ITPR1: variants seen among roughly 807,000 people sequenced by gnomAD.
ITPR1 encodes inositol 1,4,5-trisphosphate receptor type 1, also known as inositol 1,4,5-trisphosphate-gated calcium channel ITPR1.
ITPR1 carries 96 observed loss-of-function variants against 318.4 expected under a neutral mutation model. The ratio of observed to expected loss-of-function variants is 0.30; its 90% confidence interval spans 0.26 to 0.36. ITPR1 has a LOEUF of 0.36. Ranked by LOEUF, ITPR1 falls within the 10% of genes least tolerant of loss-of-function variation. ITPR1 has a pLI of 1.00. For missense variants in ITPR1, 2,440 were observed against 3,460.2 expected, an observed-to-expected ratio of 0.71 and a Z score of 7.40; for synonymous variants, 1,312 against 1,289.9, an observed-to-expected ratio of 1.02 and a Z score of -0.37.
At chr3:4,552,879 T>A in intron 4 of ITPR1, among the ~76,000 whole-genome samples, 1 of 152,120 alleles carries the variant, frequency 6.6e-6, no homozygotes, top group Admixed American at 6.5e-5. Context: ...TTCTGAGGAT[T>A]TTAGGGGTTG....
At chr3:4,682,242 C>T (rs184499496) in intron 26 of ITPR1, among the ~76,000 whole-genome samples, 184 of 152,370 alleles carry the variant, frequency 1.2e-3, no homozygotes, top group African/African-American at 4.2e-3. Context: ...ATTTCTGGCA[C>T]TATAGCAGAG....
intron 39 of ITPR1, 117 bp downstream of exon 39, chr3:4,711,985 A>G: frequency 2.0e-6 from 1 of 497,580 alleles, no homozygotes. Flanking sequence ...TTTTTTTAAA[A>G]GAAAGAAAGA....
chr3:4,561,319 A>C (rs1253771469), intron 4 of ITPR1, among the ~76,000 whole-genome samples: 1 of 152,140 alleles, frequency 6.6e-6, no homozygotes, highest in East Asian at 1.9e-4. Context: ...GTCTACCTGT[A>C]CTGTCCTAAA....
chr3:4,520,999 G>A lies in ITPR1; in HGVS notation c.93-25G>A, dbSNP rs77487574. 3,681 of 1,576,814 alleles carry A rather than the reference G, an allele frequency of 2.3e-3. 85 individuals carry two copies. The African/African-American group carries it at 0.044, about 19-fold the overall frequency. ...GAGTTTCATTTTCATACACTTGACA[G>A]AGCATTTATCTGTCTTCTTTACAGC... On this transcript the variant is annotated intron_variant, in intron 3 of 61. Coordinates refer to ENST00000649015, the MANE Select transcript of ITPR1 (RefSeq NM_001378452.1).
intron 4 of ITPR1, among the ~76,000 whole-genome samples, chr3:4,583,980 C>G (rs552718218): frequency 6.6e-6 from 1 of 152,198 alleles, no homozygotes; most frequent in African/African-American, 2.4e-5. Flanking sequence ...ATGGCTTTCT[C>G]GCTTTTCCCA....
At chr3:4,713,213 G>A (rs1217633366) in intron 39 of ITPR1, among the ~76,000 whole-genome samples, 1 of 152,152 alleles carries the variant, frequency 6.6e-6, no homozygotes, top group African/African-American at 2.4e-5. Context: ...TATAAAATAT[G>A]AATCTAGTTA....
intron 60 of ITPR1, chr3:4,831,347 T>C: frequency 3.8e-6 from 1 of 261,560 alleles, no homozygotes; most frequent in South Asian, 4.2e-5. Flanking sequence ...AGTTAGTTTG[T>C]CTGCTCCGAG....
At chr3:4,539,793 C>G (rs535559465) in intron 4 of ITPR1, among the ~76,000 whole-genome samples, 1 of 152,262 alleles carries the variant, frequency 6.6e-6, no homozygotes, top group African/African-American at 2.4e-5. Context: ...TGCTCAGCCC[C>G]ATCGCCATGG....
At chr3:4,703,904 C>G (rs1177778129) in intron 36 of ITPR1, among the ~76,000 whole-genome samples, 1 of 152,136 alleles carries the variant, frequency 6.6e-6, no homozygotes, top group Non-Finnish European at 1.5e-5. Context: ...TGTGTTATAT[C>G]TTAGAAACAG....
At chr3:4,741,816 A>G (rs986099641) in intron 44 of ITPR1, among the ~76,000 whole-genome samples, 4 of 152,126 alleles carry the variant, frequency 2.6e-5, no homozygotes, top group African/African-American at 9.7e-5. Flanking sequence ...TGTGTGAGCA[A>G]GTTACGTAAA....
chr3:4,605,993 T>C (rs2091677161), intron 4 of ITPR1, among the ~76,000 whole-genome samples: 1 of 152,158 alleles, frequency 6.6e-6, no homozygotes, highest in Non-Finnish European at 1.5e-5. Context: ...TCTAAATTAT[T>C]TTAATTGGAT....
intron 4 of ITPR1, among the ~76,000 whole-genome samples, chr3:4,555,375 G>T (rs982092464): frequency 6.6e-6 from 1 of 152,124 alleles, no homozygotes; most frequent in African/African-American, 2.4e-5. Context: ...TATCTTTCCA[G>T]GATGTTTCCT....
chr3:4,582,549 A>G (rs1459299670), intron 4 of ITPR1, among the ~76,000 whole-genome samples: 3 of 152,188 alleles, frequency 2.0e-5, no homozygotes, highest in African/African-American at 7.2e-5. Context: ...TATCAGCTCC[A>G]CACTTCAAGG....
chr3:4,559,097 A>G (rs929947563), intron 4 of ITPR1, among the ~76,000 whole-genome samples: 5 of 151,958 alleles, frequency 3.3e-5, no homozygotes, highest in African/African-American at 1.2e-4. Flanking sequence ...GGTGCAAATG[A>G]TCCTCCTGCC....
intron 51 of ITPR1, among the ~76,000 whole-genome samples, chr3:4,787,103 G>A (rs1430667263): frequency 6.6e-6 from 1 of 152,080 alleles, no homozygotes; most frequent in Non-Finnish European, 1.5e-5. Flanking sequence ...GGGGCCACAC[G>A]TGACTAGCGG....
chr3:4,552,971 C>G (rs13073853), intron 4 of ITPR1, among the ~76,000 whole-genome samples: 1 of 152,190 alleles, frequency 6.6e-6, no homozygotes, highest in Admixed American at 6.5e-5. Context: ...AACTCCGCTG[C>G]TAGATTGTGG....
chr3:4,673,223 C>T lies in ITPR1; in HGVS notation c.2292C>T (p.Leu764=), dbSNP rs1370096266. The T allele has an allele frequency of 6.2e-7, 1 of 1,613,878 alleles. No individual in the cohort carries two copies. Among genetic ancestry groups the T allele is most frequent in the Non-Finnish European group, 8.5e-7 (1 of 1,179,888 alleles). The change falls in exon 21 of 62, where the codon CTC becomes CTT. Residue 764 remains leucine (L), a synonymous_variant. Transcript: ENST00000649015. ...TCTCAGGCCAGCTGGATGTCGATCT[C>T]ATTCTCCGCTGCATGTCTGACGAGA... is the stretch of plus-strand genomic sequence containing the variant. The part of the protein sequence containing the change: ...NEISGQLDVD[L]ILRCMSDENL...
chr3:4,729,042 G>A (rs530667962), intron 42 of ITPR1, among the ~76,000 whole-genome samples: 57 of 151,892 alleles, frequency 3.8e-4, no homozygotes, highest in Middle Eastern at 6.8e-3. Context: ...CTGCCCTTTA[G>A]AATTGTCCTA....
chr3:4,513,592 T>C (rs545273685), intron 2 of ITPR1, among the ~76,000 whole-genome samples: 2 of 152,336 alleles, frequency 1.3e-5, no homozygotes, highest in African/African-American at 4.8e-5. Flanking sequence ...CTCGGCCACT[T>C]AATAAGTATC....
Sources: allele counts gnomAD v4.1 joint callset (sites outside exome capture counted in the v4.1 genomes callset), GRCh38; gene constraint gnomAD v4.1.1; transcripts MANE v1.5; gene names NCBI Gene and HGNC (gene_info 2026-07-23, HGNC 2026-07-21).